FBXL17: variants seen among roughly 807,000 people sequenced by gnomAD.
The protein encoded by FBXL17 is F-box/LRR-repeat protein 17.
In FBXL17, 22 loss-of-function variants were observed where a neutral mutation model predicts 66.2. That is an observed-to-expected ratio of 0.33 (90% CI 0.24 to 0.47). FBXL17 has a LOEUF of 0.47. Among genes scored for constraint, FBXL17 ranks in the 20% least tolerant of loss-of-function variants. FBXL17 has a pLI of 1.00. For missense variants in FBXL17, 878 were observed against 948.2 expected (o/e 0.93, Z 0.97); for synonymous variants, 474 against 400.5 (o/e 1.18, Z -2.19).
At chr5:108,263,821 C>T (rs1203613356) in intron 4 of FBXL17, among the ~76,000 whole-genome samples, 1 of 152,148 alleles carries the variant, frequency 6.6e-6, no homozygotes, top group Admixed American at 6.6e-5. Flanking sequence ...TCCAAAAACC[C>T]ATGATATGGG....
chr5:108,156,776 A>C (rs1023753769), intron 6 of FBXL17, among the ~76,000 whole-genome samples: 1 of 151,966 alleles, frequency 6.6e-6, no homozygotes, highest in African/African-American at 2.4e-5. Context: ...TAAAAACAAA[A>C]GAAAAAATTA....
At chr5:108,377,664 G>A (rs1055955903) in intron 1 of FBXL17, among the ~76,000 whole-genome samples, 3 of 152,146 alleles carry the variant, frequency 2.0e-5, no homozygotes, top group African/African-American at 7.2e-5. Context: ...AATAGTTTTG[G>A]GCAATTCTGC....
Position 108,266,468 on chromosome 5 carries a change from T to C in FBXL17, c.1507-42240A>G, listed in dbSNP as rs571759059. On this transcript the variant is annotated intron_variant, in intron 4 of 8. Coordinates refer to ENST00000542267, the MANE Select transcript of FBXL17 (RefSeq NM_001163315.3). ...ACACTACACACCCTTAGTCACTCAG[T>C]GGCTGGCTCAGTTATCAAATCAACT... Among the ~76,000 whole-genome samples the C allele has an allele frequency of 5.9e-5, 9 of 152,280 alleles. No individual in the cohort carries two copies. In the East Asian group the frequency reaches 1.5e-3, roughly 26 times the overall value.
chr5:108,258,737 ATTTT>A (rs759401052), intron 4 of FBXL17, among the ~76,000 whole-genome samples: 6 of 122,874 alleles, frequency 4.9e-5, no homozygotes, highest in Admixed American at 8.1e-5. Flanking sequence ...GGCCTTTAAC[ATTTT>A]TTTTTTTTTT....
rs538942989 is a variant in FBXL17, at chr5:108,036,856, A to G, written c.1746-15855T>C. ...AGCATTTGAATAATTTTTATTATTC[A>G]GAATACTACTTTTGTTAAGAATATT... On this transcript the variant is annotated intron_variant, in intron 6 of 8. Coordinates refer to ENST00000542267, the MANE Select transcript of FBXL17 (RefSeq NM_001163315.3). 2.4e-4 allele frequency among the ~76,000 whole-genome samples: 37 copies of G among 152,350 alleles called. No homozygotes were observed. In the Middle Eastern group the frequency reaches 0.01, roughly 42 times the overall value.
intron 7 of FBXL17, among the ~76,000 whole-genome samples, chr5:107,882,989 T>C (rs1189532372): frequency 6.6e-6 from 1 of 152,206 alleles, no homozygotes; most frequent in African/African-American, 2.4e-5. Flanking sequence ...TTCTGGGTGG[T>C]AAAATCACTG....
intron 6 of FBXL17, among the ~76,000 whole-genome samples, chr5:108,134,622 A>T (rs1751062983): frequency 6.6e-6 from 1 of 152,198 alleles, no homozygotes; most frequent in Non-Finnish European, 1.5e-5. Context: ...TTGTATCAGG[A>T]GAGATACCAC....
chr5:108,126,647 CTCTCTA>C (rs1750715552), intron 6 of FBXL17, among the ~76,000 whole-genome samples: 1 of 77,060 alleles, frequency 1.3e-5, no homozygotes. Context: ...CTCTCTCTCT[CTCTCTA>C]TATATATATA....
chr5:108,358,728 A>AT (rs1236653452), intron 3 of FBXL17, among the ~76,000 whole-genome samples: 5 of 152,070 alleles, frequency 3.3e-5, no homozygotes, highest in Non-Finnish European at 5.9e-5. Context: ...CTCCTCTTCA[A>AT]TTTTTTTGAA....
intron 6 of FBXL17, among the ~76,000 whole-genome samples, chr5:108,052,584 G>A (rs1246238161): frequency 1.3e-5 from 2 of 152,134 alleles, no homozygotes; most frequent in African/African-American, 4.8e-5. Context: ...CCATCATCAT[G>A]AATAGGAAGA....
chr5:108,332,254 A>C (rs1050991389), intron 4 of FBXL17, among the ~76,000 whole-genome samples: 2 of 152,164 alleles, frequency 1.3e-5, no homozygotes, highest in African/African-American at 4.8e-5. Context: ...CTTTTTGATA[A>C]ATTAACTTTT....
chr5:108,261,453 A>G (rs1441392688), intron 4 of FBXL17, among the ~76,000 whole-genome samples: 1 of 152,136 alleles, frequency 6.6e-6, no homozygotes, highest in Non-Finnish European at 1.5e-5. Context: ...CCAGAAAGAA[A>G]GAAGATAAAC....
intron 4 of FBXL17, among the ~76,000 whole-genome samples, chr5:108,320,725 C>T (rs1759579235): frequency 6.6e-6 from 1 of 151,648 alleles, no homozygotes. Flanking sequence ...AGAACAAAAA[C>T]CCTCATTTTT....
At chr5:108,164,944 T>C (rs1752358198) in intron 6 of FBXL17, among the ~76,000 whole-genome samples, 1 of 152,222 alleles carries the variant, frequency 6.6e-6, no homozygotes, top group Admixed American at 6.5e-5. Context: ...CTTAAAGCCA[T>C]TTTTAAATGC....
intron 6 of FBXL17, among the ~76,000 whole-genome samples, chr5:108,060,578 C>A (rs1458850046): frequency 1.3e-5 from 2 of 152,052 alleles, no homozygotes; most frequent in Non-Finnish European, 2.9e-5. Flanking sequence ...CTGAAAAAAC[C>A]TTTTTCAGAA....
chr5:108,022,618 C>T (rs1349242587), intron 6 of FBXL17, among the ~76,000 whole-genome samples: 1 of 152,066 alleles, frequency 6.6e-6, no homozygotes, highest in Non-Finnish European at 1.5e-5. Context: ...AGTTTGTTCT[C>T]ATGCTCTATT....
intron 6 of FBXL17, among the ~76,000 whole-genome samples, chr5:108,163,010 A>G (rs1422512266): frequency 6.6e-6 from 1 of 152,176 alleles, no homozygotes; most frequent in African/African-American, 2.4e-5. Flanking sequence ...AAAAATACAA[A>G]TTGTACTGGA....
At chr5:107,883,196 T>G (rs1748850279) in intron 7 of FBXL17, among the ~76,000 whole-genome samples, 1 of 152,218 alleles carries the variant, frequency 6.6e-6, no homozygotes, top group African/African-American at 2.4e-5. Flanking sequence ...TATTACTAAC[T>G]GCAACCCTAT....
rs181333136 is a variant in FBXL17, at chr5:107,977,940, C to T, written c.1822+42985G>A. The stretch of plus-strand genomic sequence containing the variant: ...GGCAGATGTAGGTTAGGAAAGCTAG[C>T]TGGAGACCCATGCCTAAGAAGGGAA... On this transcript the variant is annotated intron_variant, in intron 7 of 8. Transcript: ENST00000542267. Among the ~76,000 whole-genome samples the T allele has an allele frequency of 3.9e-5, 6 of 152,300 alleles. No homozygotes were observed. In the East Asian group the frequency reaches 1.2e-3, roughly 29 times the overall value.
Sources: gnomAD v4.1 joint callset for allele counts (sites outside exome capture counted in the v4.1 genomes callset) on GRCh38, gnomAD v4.1.1 for gene constraint, MANE v1.5 for transcripts, NCBI Gene and HGNC (gene_info 2026-07-23, HGNC 2026-07-21) for gene names.